The following RABGAP1L variants were observed in gnomAD, a reference collection of about 807,000 sequenced individuals.
RABGAP1L encodes the protein RAB GTPase activating protein 1 like.
Under a neutral mutation model 137.7 loss-of-function variants are expected in RABGAP1L, and 63 were observed. The ratio of observed to expected loss-of-function variants is 0.46; its 90% confidence interval spans 0.37 to 0.56. RABGAP1L has a LOEUF of 0.56. Among genes scored for constraint, RABGAP1L ranks in the 20% least tolerant of loss-of-function variants. The probability of loss-of-function intolerance (pLI) is 0.00; values close to 1 mark genes in which losing one functional copy is unlikely to be tolerated. For synonymous variants in RABGAP1L, 431 were observed against 433.7 expected, an observed-to-expected ratio of 0.99 and a Z score of 0.08; for missense variants, 1,095 against 1,244.0, an observed-to-expected ratio of 0.88 and a Z score of 1.80.
chr1:174,486,214 T>C (rs538070072), intron 13 of RABGAP1L, among the ~76,000 whole-genome samples: 16 of 118,060 alleles, frequency 1.4e-4, no homozygotes, highest in Admixed American at 8.2e-4. Flanking sequence ...ATTTATTTGG[T>C]TCTTTTTTCT....
intron 19 of RABGAP1L, among the ~76,000 whole-genome samples, chr1:174,926,177 C>T (rs1330450433): frequency 1.3e-5 from 2 of 151,998 alleles, no homozygotes; most frequent in African/African-American, 4.8e-5. Context: ...TAGTATGTCA[C>T]AGTTTCAATT....
At chr1:174,861,419 G>C (rs995982373) in intron 19 of RABGAP1L, among the ~76,000 whole-genome samples, 1 of 152,062 alleles carries the variant, frequency 6.6e-6, no homozygotes, top group Non-Finnish European at 1.5e-5. Context: ...AGCGAATGTA[G>C]GAGTGCAAAT....
At chr1:174,512,755 A>C (rs1011930561) in intron 13 of RABGAP1L, among the ~76,000 whole-genome samples, 6 of 152,050 alleles carry the variant, frequency 3.9e-5, no homozygotes, top group African/African-American at 1.2e-4. Flanking sequence ...GCACTGGGGG[A>C]GGCCTCTATG....
At chr1:174,338,106 A>G (rs1681641591) in intron 11 of RABGAP1L, among the ~76,000 whole-genome samples, 1 of 152,170 alleles carries the variant, frequency 6.6e-6, no homozygotes, top group Non-Finnish European at 1.5e-5. Context: ...GTGGTATTTC[A>G]AAAAACAATT....
chr1:174,723,529 T>C (rs1681748191), intron 17 of RABGAP1L, among the ~76,000 whole-genome samples: 1 of 152,192 alleles, frequency 6.6e-6, no homozygotes, highest in Non-Finnish European at 1.5e-5. Context: ...AATCCCACTA[T>C]TGGGCCATAG....
Position 174,637,469 on chromosome 1 carries a change from C to A in RABGAP1L, c.1805C>A (p.Ser602Ter). The A allele has an allele frequency of 6.2e-7, 1 of 1,606,060 alleles. No individual in the cohort carries two copies. Among genetic ancestry groups the A allele is most frequent in the Non-Finnish European group, 8.5e-7 (1 of 1,172,698 alleles). Residue 602 changes from serine to a stop codon, truncating the protein, a stop_gained, in exon 14 of 26, where the codon TCG (serine) becomes TAG (stop). Transcript: ENST00000681986. LOFTEE classifies it high-confidence loss of function. The stretch of plus-strand genomic sequence containing the variant: ...GATACTGGAGGAGATGGTCAAGAAT[C>A]GCTCTATAAGATCTGCAAGGTAGGA... The part of the protein sequence containing the change: ...FKDTGGDGQE[S>*]LYKICKAYSV...
chr1:174,195,696 CCTTCTTTCCTTCTTTCT>C (rs1383483428), intron 1 of RABGAP1L, among the ~76,000 whole-genome samples: 148 of 110,968 alleles, frequency 1.3e-3, no homozygotes, highest in Middle Eastern at 4.1e-3. Flanking sequence ...TTCCTTCTTT[CCTTCTTTCCTTCTTTCT>C]TTTCTTTCTT....
intron 1 of RABGAP1L, among the ~76,000 whole-genome samples, chr1:174,194,669 G>C (rs1347934194): frequency 3.3e-5 from 5 of 152,128 alleles, no homozygotes; most frequent in African/African-American, 9.7e-5. Flanking sequence ...CCTGACATCT[G>C]GTGGGCCGGC....
chr1:174,169,244 G>T (rs941961565), intron 1 of RABGAP1L, among the ~76,000 whole-genome samples: 1 of 151,592 alleles, frequency 6.6e-6, no homozygotes, highest in African/African-American at 2.4e-5. Context: ...TTTTGACACG[G>T]AGTCTTGCTC....
At chr1:174,438,691 C>G (rs1653729810) in intron 13 of RABGAP1L, among the ~76,000 whole-genome samples, 1 of 143,072 alleles carries the variant, frequency 7.0e-6, no homozygotes, top group African/African-American at 2.6e-5. Flanking sequence ...GCACTCCAGC[C>G]TGGGAGACAC....
chr1:174,923,878 CAAA>C (rs1176474943), intron 19 of RABGAP1L, among the ~76,000 whole-genome samples: 6 of 87,248 alleles, frequency 6.9e-5, no homozygotes, highest in Non-Finnish European at 9.7e-5. Flanking sequence ...GAGACTGTCT[CAAA>C]AAAAAAAAAA....
rs1468921208 is a variant in RABGAP1L, at chr1:174,685,987, A to G, written c.1899+2391A>G. Among the ~76,000 whole-genome samples, 6 of 152,368 alleles carry G rather than the reference A, an allele frequency of 3.9e-5. No homozygotes were observed. The East Asian group carries it at 1.2e-3, about 29-fold the overall frequency. Reference sequence around the variant, plus strand: ...TGGAGGAGAAATGAAAGCTGAAGTCATGAGAGTACATCAGATCATCTAGAA... The same window carrying G: ...TGGAGGAGAAATGAAAGCTGAAGTCGTGAGAGTACATCAGATCATCTAGAA... On this transcript the variant is annotated intron_variant, in intron 15 of 25. Transcript: ENST00000681986.
At chr1:174,876,025 G>C (rs190246326) in intron 19 of RABGAP1L, among the ~76,000 whole-genome samples, 1 of 151,930 alleles carries the variant, frequency 6.6e-6, no homozygotes, top group African/African-American at 2.4e-5. Flanking sequence ...CCTTGTGCTC[G>C]CTCTTATAAG....
intron 15 of RABGAP1L, among the ~76,000 whole-genome samples, chr1:174,687,221 A>G (rs949222627): frequency 3.3e-5 from 5 of 152,164 alleles, no homozygotes; most frequent in Non-Finnish European, 5.9e-5. Flanking sequence ...TAGGTACTCT[A>G]CTATTATAAG....
At chr1:174,233,117 T>C (rs1670825643) in intron 4 of RABGAP1L, among the ~76,000 whole-genome samples, 1 of 152,166 alleles carries the variant, frequency 6.6e-6, no homozygotes, top group African/African-American at 2.4e-5. Context: ...TGGGGTTTCT[T>C]TTATAAGGAT....
At chr1:174,969,039 T>C (rs1416102321) in intron 20 of RABGAP1L, among the ~76,000 whole-genome samples, 1 of 152,224 alleles carries the variant, frequency 6.6e-6, no homozygotes, top group Non-Finnish European at 1.5e-5. Flanking sequence ...TTTTTTATAA[T>C]GAAGTTCCAT....
At chr1:174,326,613 G>A (rs552669039) in intron 11 of RABGAP1L, among the ~76,000 whole-genome samples, 1 of 152,172 alleles carries the variant, frequency 6.6e-6, no homozygotes, top group Admixed American at 6.5e-5. Context: ...AGAGGGACTG[G>A]AGTAGGGGAA....
intron 11 of RABGAP1L, among the ~76,000 whole-genome samples, chr1:174,326,360 A>G (rs1321912424): frequency 6.6e-6 from 1 of 152,244 alleles, no homozygotes; most frequent in African/African-American, 2.4e-5. Context: ...GAAATTGGGA[A>G]TCATATAAAA....
At chr1:174,327,871 C>T (rs1680573228) in intron 11 of RABGAP1L, among the ~76,000 whole-genome samples, 1 of 147,008 alleles carries the variant, frequency 6.8e-6, no homozygotes, top group Non-Finnish European at 1.5e-5. Context: ...AAATGGAATA[C>T]AAGTAAAAAA....
Sources: gnomAD v4.1 joint callset for allele counts (sites outside exome capture counted in the v4.1 genomes callset) on GRCh38, gnomAD v4.1.1 for gene constraint, MANE v1.5 for transcripts, NCBI Gene and HGNC (gene_info 2026-07-23, HGNC 2026-07-21) for gene names.